Variants in CCDC200 observed in about 807,000 individuals in gnomAD.
CCDC200 encodes coiled-coil domain-containing protein 200.
chr17:43,227,501 T>G (rs1708200542), intron 1 of CCDC200, among the ~76,000 whole-genome samples: 1 of 152,072 alleles, frequency 6.6e-6, no homozygotes, highest in African/African-American at 2.4e-5. Context: ...AATTTTTTTT[T>G]TGAGACAGAG....
At chr17:43,225,679 A>ATATATATATATATATATATAT (rs1168399628) in intron 1 of CCDC200, among the ~76,000 whole-genome samples, 1 of 15,938 alleles carries the variant, frequency 6.3e-5, no homozygotes, top group Non-Finnish European at 2.2e-3. Flanking sequence ...AAAAAAAAAA[A>ATATATATATATATATATATAT]GTATATATAT....
intron 1 of CCDC200, among the ~76,000 whole-genome samples, chr17:43,227,739 G>C (rs2057579991): frequency 6.6e-6 from 1 of 151,330 alleles, no homozygotes; most frequent in African/African-American, 2.4e-5. Context: ...ACCCACCTTG[G>C]CCTCCCAAAG....
At chr17:43,225,015 C>G (rs1189039857) in intron 1 of CCDC200, 2 of 151,938 alleles carry the variant, frequency 1.3e-5, no homozygotes, top group African/African-American at 4.8e-5. Flanking sequence ...CAGGTGCACA[C>G]CACCATGCCC....
chr17:43,227,509 G>C (rs1216857604), intron 1 of CCDC200, among the ~76,000 whole-genome samples: 3 of 151,600 alleles, frequency 2.0e-5, no homozygotes, highest in Non-Finnish European at 4.4e-5. Context: ...TTTTGAGACA[G>C]AGTCTCACTC....
At chr17:43,227,935 C>A (rs1338896583) in intron 1 of CCDC200, among the ~76,000 whole-genome samples, 2 of 151,706 alleles carry the variant, frequency 1.3e-5, no homozygotes, top group African/African-American at 2.4e-5. Context: ...ATGGAGAAAC[C>A]GTGTCTCTAC....
intron 1 of CCDC200, among the ~76,000 whole-genome samples, chr17:43,227,527 C>T (rs1208202183): frequency 4.0e-4 from 61 of 152,092 alleles, no homozygotes; most frequent in African/African-American, 1.4e-3. Flanking sequence ...CTCTGTCACT[C>T]AGGTCAGAGT....
intron 1 of CCDC200, among the ~76,000 whole-genome samples, chr17:43,227,749 G>C (rs1254788889): frequency 6.6e-6 from 1 of 151,484 alleles, no homozygotes; most frequent in Non-Finnish European, 1.5e-5. Context: ...GCCTCCCAAA[G>C]TGCTGGATTA....
At chr17:43,222,772 C>CT (rs2057541975) in intron 3 of CCDC200, among the ~76,000 whole-genome samples, 1 of 113,640 alleles carries the variant, frequency 8.8e-6, no homozygotes, top group African/African-American at 3.1e-5. Flanking sequence ...TTTTTTTTTT[C>CT]GTTTTTTTTT....
At chr17:43,225,693 T>TATATAAAAAA (rs1282739067) in intron 1 of CCDC200, among the ~76,000 whole-genome samples, 1 of 28,912 alleles carries the variant, frequency 3.5e-5, no homozygotes, top group African/African-American at 4.7e-5. Flanking sequence ...TATATATATA[T>TATATAAAAAA]TGCATGCTAC....
chr17:43,227,497 T>G (rs1348964746), intron 1 of CCDC200, among the ~76,000 whole-genome samples: 1 of 151,988 alleles, frequency 6.6e-6, no homozygotes, highest in Non-Finnish European at 1.5e-5. Flanking sequence ...TTTTAATTTT[T>G]TTTTTGAGAC....
At chr17:43,225,883 G>A (rs2057566184) in intron 1 of CCDC200, among the ~76,000 whole-genome samples, 1 of 148,434 alleles carries the variant, frequency 6.7e-6, no homozygotes, top group South Asian at 2.2e-4. Flanking sequence ...ATAGGCATGT[G>A]CCACCACGCC....
chr17:43,222,500 C>T (rs915806430), intron 3 of CCDC200, among the ~76,000 whole-genome samples: 3 of 152,080 alleles, frequency 2.0e-5, no homozygotes, highest in Admixed American at 1.3e-4. Flanking sequence ...ATATTCAGTC[C>T]TCATGCCACC....
At chr17:43,228,108 C>CAAAA (rs4027812) in intron 1 of CCDC200, among the ~76,000 whole-genome samples, 7,542 of 19,362 alleles carry the variant, frequency 0.39, 85 homozygotes, top group East Asian at 0.44. Context: ...AACTCCATCT[C>CAAAA]AAAAAAAAAA....
At chr17:43,224,768 A>G (rs2154582753) in intron 1 of CCDC200, 1 of 152,390 alleles carries the variant, frequency 6.6e-6, no homozygotes, top group Non-Finnish European at 1.5e-5. Flanking sequence ...AGCCCAGGAA[A>G]TAGCACTCTC....
intron 2 of CCDC200, 97 bp downstream of exon 2, chr17:43,224,137 C>G (rs1199749594): frequency 1.3e-5 from 2 of 152,834 alleles, no homozygotes; most frequent in Admixed American, 1.3e-4. Context: ...GGCTCCAGTC[C>G]AGAGTCTGTA....
At chr17:43,227,394 G>A (rs1313648540) in intron 1 of CCDC200, among the ~76,000 whole-genome samples, 2 of 152,248 alleles carry the variant, frequency 1.3e-5, no homozygotes, top group African/African-American at 4.8e-5. Flanking sequence ...GGGAGGCTGA[G>A]GTGGGAGGAT....
At chr17:43,227,478 A>C (rs1320142062) in intron 1 of CCDC200, among the ~76,000 whole-genome samples, 1 of 152,064 alleles carries the variant, frequency 6.6e-6, no homozygotes, top group Admixed American at 6.6e-5. Flanking sequence ...TAATAAAATC[A>C]AATAAAGTTT....
chr17:43,221,922 C>A (rs1478791427), intron 3 of CCDC200, among the ~76,000 whole-genome samples: 1 of 151,896 alleles, frequency 6.6e-6, no homozygotes, highest in African/African-American at 2.4e-5. Flanking sequence ...TAGCAAAACC[C>A]CATCTCTACT....
rs560968620 is a variant in CCDC200, at chr17:43,221,562, A to G, written c.*9T>C. On this transcript the variant is annotated 3_prime_UTR_variant, in exon 4 of 4. Transcript: ENST00000636331. ...GGATGGCCATGGGGTCCTGGGTTCA[A>G]TCTCTGGATCACCACTGCTGTATGT... The G allele has an allele frequency of 6.6e-6, 1 of 152,630 alleles. No homozygotes were observed. Among genetic ancestry groups the G allele is most frequent in the Non-Finnish European group, 1.5e-5 (1 of 67,992 alleles). The allele number at this position is 152,630 out of a possible 1,614,324, so 9.5% of individuals were successfully genotyped here.
Sources: gnomAD v4.1 joint callset for allele counts (sites outside exome capture counted in the v4.1 genomes callset) on GRCh38, gnomAD v4.1.1 for gene constraint, MANE v1.5 for transcripts, NCBI Gene and HGNC (gene_info 2026-07-23, HGNC 2026-07-21) for gene names.